Variants in MDM4 observed in about 807,000 individuals in gnomAD.
MDM4 encodes the protein protein Mdm4.
Under a neutral mutation model 60.2 loss-of-function variants are expected in MDM4, and 2 were observed. The ratio of observed to expected loss-of-function variants is 0.03; its 90% CI spans 0.01 to 0.10. The LOEUF is 0.10. MDM4 is among the 10% of genes least tolerant of loss of function. The probability of loss-of-function intolerance (pLI) is 1.00; values close to 1 mark genes in which losing one functional copy is unlikely to be tolerated. For missense variants in MDM4, 447 were observed against 577.5 expected (o/e 0.77, Z 2.32); for synonymous variants, 202 against 198.1 (o/e 1.02, Z -0.17).
intron 6 of MDM4, 87 bp downstream of exon 6, chr1:204,537,584 C>G: frequency 1.1e-6 from 1 of 908,524 alleles, no homozygotes; most frequent in Non-Finnish European, 1.8e-6. Flanking sequence ...AGACCTTTCC[C>G]TGAATGTGGT....
At chr1:204,523,794 C>T (rs2102304462) in intron 1 of MDM4, among the ~76,000 whole-genome samples, 1 of 152,258 alleles carries the variant, frequency 6.6e-6, no homozygotes, top group African/African-American at 2.4e-5. Context: ...TGGAAGGGTG[C>T]ATCTCACGGA....
At chr1:204,544,074 T>C (rs543130616) in intron 8 of MDM4, among the ~76,000 whole-genome samples, 1 of 152,386 alleles carries the variant, frequency 6.6e-6, no homozygotes, top group Non-Finnish European at 1.5e-5. Context: ...GTTCAGAAAG[T>C]GTCAGGACAA....
chr1:204,541,185 A>G (rs1047579649), intron 7 of MDM4, among the ~76,000 whole-genome samples: 2 of 152,288 alleles, frequency 1.3e-5, no homozygotes, highest in Admixed American at 6.5e-5. Context: ...AAGGCTGGGC[A>G]TGGTAGCTCG....
chr1:204,537,819 G>A, intron 6 of MDM4: 1 of 643,522 alleles, frequency 1.6e-6, no homozygotes, highest in Non-Finnish European at 2.9e-6. Context: ...TTGCAGTTAA[G>A]TTCATGTCAG....
chr1:204,546,926 G>A, intron 10 of MDM4, 49 bp downstream of exon 10: 1 of 1,177,408 alleles, frequency 8.5e-7, no homozygotes, highest in Non-Finnish European at 1.3e-6. Flanking sequence ...ATCTTCAGAT[G>A]ATGTAATCCC....
intron 3 of MDM4, chr1:204,528,849 A>G (rs1660533032): frequency 6.4e-7 from 1 of 1,550,514 alleles, no homozygotes; most frequent in Non-Finnish European, 8.9e-7. Flanking sequence ...GTTGGGTCAT[A>G]GCATCCGAGC....
At chr1:204,526,680 G>T (rs1660203408) in intron 3 of MDM4, among the ~76,000 whole-genome samples, 1 of 152,024 alleles carries the variant, frequency 6.6e-6, no homozygotes, top group African/African-American at 2.4e-5. Context: ...AGCCAGGATG[G>T]TCTCAGTCTC....
At chr1:204,539,631 T>G (rs917847340) in intron 7 of MDM4, among the ~76,000 whole-genome samples, 2 of 149,386 alleles carry the variant, frequency 1.3e-5, no homozygotes, top group Non-Finnish European at 3.0e-5. Context: ...CCACCTCCCG[T>G]GTTCAAGCGA....
At position 204,549,586 on chromosome 1, in the gene MDM4, T is replaced by G. The variant is rs777816325; in HGVS notation, c.1377T>G (p.Thr459=). The G allele has an allele frequency of 6.2e-7, 1 of 1,613,268 alleles. No individual in the cohort carries two copies. Among genetic ancestry groups the G allele is most frequent in the Non-Finnish European group, 8.5e-7 (1 of 1,179,832 alleles). ...IIHGRTGHLV[T]CFHCARRLKK... is the part of the protein sequence containing the mutation. Reference sequence around the variant, plus strand: ...ATGGAAGGACGGGCCATCTTGTCACTTGTTTTCACTGTGCCAGAAGACTAA... The same window carrying G: ...ATGGAAGGACGGGCCATCTTGTCACGTGTTTTCACTGTGCCAGAAGACTAA... The change falls in exon 11 of 11, where the codon ACT becomes ACG. Residue 459 remains threonine, a synonymous_variant. Transcript: ENST00000367182.
intron 1 of MDM4, among the ~76,000 whole-genome samples, chr1:204,518,411 C>T (rs1303588659): frequency 6.6e-6 from 1 of 152,222 alleles, no homozygotes; most frequent in African/African-American, 2.4e-5. Flanking sequence ...TCCCTGCCGT[C>T]CCAGGTCCTG....
At chr1:204,547,491 A>G (rs1018670300) in intron 10 of MDM4, among the ~76,000 whole-genome samples, 13 of 152,188 alleles carry the variant, frequency 8.5e-5, no homozygotes, top group Admixed American at 8.5e-4. Context: ...GTAACACACT[A>G]TGGGAAAAAG....
intron 4 of MDM4, 107 bp downstream of exon 4, chr1:204,530,924 C>T: frequency 2.1e-6 from 3 of 1,398,654 alleles, no homozygotes; most frequent in African/African-American, 1.4e-5. Flanking sequence ...ATGTAAGAGC[C>T]TACATATGTT....
intron 3 of MDM4, chr1:204,528,835 A>T: frequency 6.6e-7 from 1 of 1,513,576 alleles, no homozygotes; most frequent in Non-Finnish European, 9.1e-7. Flanking sequence ...CTCTCCACAG[A>T]TGGGTTGGGT....
At chr1:204,547,564 T>TGAGAAACAGAGAAACAGAGAA (rs1401080895) in intron 10 of MDM4, among the ~76,000 whole-genome samples, 1 of 152,224 alleles carries the variant, frequency 6.6e-6, no homozygotes, top group Non-Finnish European at 1.5e-5. Flanking sequence ...GAAACATTTT[T>TGAGAAACAGAGAAACAGAGAA]AGGTTGTTTC....
intron 1 of MDM4, among the ~76,000 whole-genome samples, chr1:204,516,991 G>A (rs1316673888): frequency 6.6e-6 from 1 of 152,166 alleles, no homozygotes; most frequent in South Asian, 2.1e-4. Flanking sequence ...TGTAATCCCA[G>A]CACTTCAGGA....
At chr1:204,529,769 T>C in intron 3 of MDM4, 1 of 381,442 alleles carries the variant, frequency 2.6e-6, no homozygotes, top group Non-Finnish European at 4.7e-6. Flanking sequence ...TATGATGAAT[T>C]ATGCCATCTC....
chr1:204,538,094 T>C, intron 6 of MDM4, 115 bp from the exon 7 acceptor site: 1 of 769,400 alleles, frequency 1.3e-6, no homozygotes, highest in Non-Finnish European at 2.4e-6. Context: ...TGAGTTCTCT[T>C]TCTTGTGTGT....
In MDM4 at chr1:204,557,936, A is replaced by G; in HGVS notation, c.*8254A>G. ...TAATAATAATAATAATAATAACAAC[A>G]ACTTATTGAATGTGGCCAGCTCACT... is the stretch of plus-strand genomic sequence containing the variant. On this transcript the variant is annotated 3_prime_UTR_variant, in exon 11 of 11. Coordinates refer to ENST00000367182, the MANE Select transcript of MDM4 (RefSeq NM_002393.5). 1 of 155,580 alleles carries G rather than the reference A, an allele frequency of 6.4e-6. No individual in the cohort carries two copies. Among genetic ancestry groups the G allele is most frequent in the Non-Finnish European group, 1.3e-5 (1 of 75,536 alleles). 9.6% of individuals were successfully genotyped at this position (155,580 alleles called of 1,614,324 possible).
At chr1:204,536,992 C>T in intron 5 of MDM4, 2 of 348,914 alleles carry the variant, frequency 5.7e-6, no homozygotes, top group Non-Finnish European at 1.1e-5. Flanking sequence ...GATCCCATAA[C>T]CCTGTATGAC....
Sources: allele counts gnomAD v4.1 joint callset (sites outside exome capture counted in the v4.1 genomes callset), GRCh38; gene constraint gnomAD v4.1.1; transcripts MANE v1.5; gene names NCBI Gene and HGNC (gene_info 2026-07-23, HGNC 2026-07-21).